MCTP1: variants seen among roughly 807,000 people sequenced by gnomAD.
The protein encoded by MCTP1 is multiple C2 and transmembrane domain containing 1.
MCTP1 carries 69 observed loss-of-function variants against 120.6 expected under a neutral mutation model. That is an observed-to-expected ratio of 0.57 (90% CI 0.47 to 0.70). The LOEUF (loss-of-function observed/expected upper bound fraction) is 0.70. MCTP1 is among the 30% of genes least tolerant of loss of function. The pLI is 0.00. For synonymous variants in MCTP1, 529 were observed against 493.1 expected (o/e 1.07, Z -0.96); for missense variants, 1,203 against 1,248.8 (o/e 0.96, Z 0.55).
intron 2 of MCTP1, among the ~76,000 whole-genome samples, chr5:94,966,283 T>C (rs1254926558): frequency 6.6e-6 from 1 of 152,188 alleles, no homozygotes; most frequent in Non-Finnish European, 1.5e-5. Flanking sequence ...ATATTTTTCT[T>C]TAACTCTAAA....
chr5:95,022,427 C>T (rs1028324054), intron 1 of MCTP1, among the ~76,000 whole-genome samples: 1 of 152,162 alleles, frequency 6.6e-6, no homozygotes, highest in Non-Finnish European at 1.5e-5. Flanking sequence ...TCTTCAAGGA[C>T]CATTTCACTA....
chr5:94,961,600 T>C (rs1487747004), intron 2 of MCTP1, among the ~76,000 whole-genome samples: 1 of 152,164 alleles, frequency 6.6e-6, no homozygotes, highest in Non-Finnish European at 1.5e-5. Flanking sequence ...TTTCTCATCT[T>C]TGTGTGAAGC....
intron 2 of MCTP1, among the ~76,000 whole-genome samples, chr5:94,984,161 A>G (rs994219583): frequency 2.6e-5 from 4 of 152,158 alleles, no homozygotes; most frequent in African/African-American, 9.6e-5. Flanking sequence ...ATCCTCCATA[A>G]GTTTCCAGAC....
At chr5:94,839,613 C>T (rs1790560188) in intron 17 of MCTP1, among the ~76,000 whole-genome samples, 1 of 152,084 alleles carries the variant, frequency 6.6e-6, no homozygotes, top group South Asian at 2.1e-4. Flanking sequence ...AATTCTTGCC[C>T]ACAGTGGTCC....
chr5:95,206,459 GA>G (rs1046527815), intron 1 of MCTP1, among the ~76,000 whole-genome samples: 6 of 151,882 alleles, frequency 4.0e-5, no homozygotes, highest in Non-Finnish European at 8.8e-5. Context: ...GCTGTTATAA[GA>G]AAAAAAATTA....
chr5:95,276,663 G>A (rs1314362710), intron 1 of MCTP1, among the ~76,000 whole-genome samples: 3 of 151,250 alleles, frequency 2.0e-5, no homozygotes, highest in Non-Finnish European at 4.4e-5. Flanking sequence ...ACAAAAAACA[G>A]GTCAGGCCGG....
At chr5:95,114,450 G>C (rs1054058528) in intron 1 of MCTP1, among the ~76,000 whole-genome samples, 2 of 152,182 alleles carry the variant, frequency 1.3e-5, no homozygotes, top group African/African-American at 4.8e-5. Context: ...AGCAGGCCAG[G>C]CAGCATTAGC....
intron 2 of MCTP1, among the ~76,000 whole-genome samples, chr5:95,015,231 C>T (rs912344152): frequency 8.6e-5 from 13 of 152,046 alleles, no homozygotes; most frequent in African/African-American, 3.1e-4. Flanking sequence ...CCTGCAATAG[C>T]TCCAAAATAG....
chr5:94,906,826 C>A (rs1039826449), intron 10 of MCTP1, among the ~76,000 whole-genome samples: 1 of 151,982 alleles, frequency 6.6e-6, no homozygotes, highest in African/African-American at 2.4e-5. Context: ...ATAGTATTAC[C>A]CTCCATGGCC....
chr5:95,009,020 G>A (rs1225557804), intron 2 of MCTP1, among the ~76,000 whole-genome samples: 1 of 151,164 alleles, frequency 6.6e-6, no homozygotes, highest in Non-Finnish European at 1.5e-5. Context: ...CCCTGTCTCT[G>A]AGAGTGAGGG....
chr5:94,728,246 A>G (rs1390826681), intron 19 of MCTP1, among the ~76,000 whole-genome samples: 1 of 152,214 alleles, frequency 6.6e-6, no homozygotes, highest in African/African-American at 2.4e-5. Context: ...TCAATTTCAA[A>G]AATGGCTCAA....
chr5:94,706,070 C>A lies in MCTP1; in HGVS notation c.*1426G>T, dbSNP rs903528636. ...GAGATTACATTTATTGTTAAAGAAT[C>A]TTCCTTTAGAGTGAAATATACATTT... On this transcript the variant is annotated 3_prime_UTR_variant, in exon 23 of 23. Transcript: ENST00000515393. 6.6e-6 allele frequency: 1 copy of A among 151,712 alleles called. No individual in the cohort carries two copies. Among genetic ancestry groups the A allele is most frequent in the Non-Finnish European group, 1.5e-5 (1 of 67,696 alleles). The allele number at this position is 151,712 out of a possible 1,614,324, so 9.4% of individuals were successfully genotyped here. A position where few individuals can be genotyped will look rare whatever the true frequency, so the allele number is the denominator to read the frequency against.
At chr5:95,142,030 A>C (rs1759972704) in intron 1 of MCTP1, among the ~76,000 whole-genome samples, 2 of 152,120 alleles carry the variant, frequency 1.3e-5, no homozygotes, top group Admixed American at 1.3e-4. Flanking sequence ...GAAAGGAGAT[A>C]AAACTTCATT....
chr5:95,134,380 G>C (rs1233474449), intron 1 of MCTP1, among the ~76,000 whole-genome samples: 1 of 152,214 alleles, frequency 6.6e-6, no homozygotes, highest in Admixed American at 6.5e-5. Context: ...CAATGTATCA[G>C]TATTGCTGTG....
chr5:95,256,166 AAAG>A (rs1323580465), intron 1 of MCTP1, among the ~76,000 whole-genome samples: 2 of 152,242 alleles, frequency 1.3e-5, no homozygotes, highest in Non-Finnish European at 2.9e-5. Context: ...AAAAGAAAGA[AAAG>A]AAGAATGAGA....
At chr5:94,997,649 C>A (rs916608022) in intron 2 of MCTP1, among the ~76,000 whole-genome samples, 2 of 152,186 alleles carry the variant, frequency 1.3e-5, no homozygotes, top group Non-Finnish European at 2.9e-5. Context: ...TACTACCTAT[C>A]AACATCCCTC....
At chr5:95,041,433 A>T (rs1162952601) in intron 1 of MCTP1, among the ~76,000 whole-genome samples, 4 of 152,134 alleles carry the variant, frequency 2.6e-5, no homozygotes, top group African/African-American at 9.7e-5. Context: ...GTTCATATCA[A>T]AAAGAAAGGG....
chr5:94,947,573 TATATAGAGAGAGAGAGAG>T (rs1185621776), intron 3 of MCTP1, among the ~76,000 whole-genome samples: 4 of 47,042 alleles, frequency 8.5e-5, no homozygotes, highest in South Asian at 7.0e-4. Flanking sequence ...TATATATATA[TATATAGAGAGAGAGAGAG>T]AGAGAGAGAG....
Position 95,123,651 on chromosome 5 carries a change from C to CT in MCTP1, c.721-106168dup, listed in dbSNP as rs67736041. The stretch of plus-strand genomic sequence containing the variant: ...AGTATTTGGATTCTAACAAGCTCTG[C>CT]TTTTTTTTTTTTTTTTGAGATGGAG... On this transcript the variant is annotated intron_variant, in intron 1 of 22. Transcript: ENST00000515393. 1.0e-3 allele frequency among the ~76,000 whole-genome samples: 150 copies of CT among 145,438 alleles called. 1 individual carries two copies. The highest frequency in any genetic ancestry group is 8.2e-3 in the East Asian group (40 of 4,876).
Sources: gnomAD v4.1 joint callset for allele counts (sites outside exome capture counted in the v4.1 genomes callset) on GRCh38, gnomAD v4.1.1 for gene constraint, MANE v1.5 for transcripts, NCBI Gene and HGNC (gene_info 2026-07-23, HGNC 2026-07-21) for gene names.